The following CACNB4 variants were observed in gnomAD, a reference collection of about 807,000 sequenced individuals.
CACNB4 encodes voltage-dependent L-type calcium channel subunit beta-4.
Under a neutral mutation model 71.2 loss-of-function variants are expected in CACNB4, and 32 were observed. The ratio of observed to expected loss-of-function variants is 0.45; its 90% confidence interval spans 0.34 to 0.60. The LOEUF (loss-of-function observed/expected upper bound fraction) is 0.60, where lower values mean the gene tolerates loss of function less well. CACNB4 is among the 20% of genes least tolerant of loss of function. The probability of loss-of-function intolerance (pLI) is 0.01; values close to 1 mark genes in which losing one functional copy is unlikely to be tolerated. For missense variants in CACNB4, 464 were observed against 647.9 expected, an observed-to-expected ratio of 0.72 and a Z score of 3.08; for synonymous variants, 231 against 236.9, an observed-to-expected ratio of 0.97 and a Z score of 0.23.
intron 2 of CACNB4, among the ~76,000 whole-genome samples, chr2:151,993,638 C>G (rs1387398468): frequency 2.0e-5 from 3 of 150,894 alleles, no homozygotes; most frequent in Non-Finnish European, 4.4e-5. Flanking sequence ...AATCTTGGCC[C>G]ACTGCAACCT....
chr2:151,869,341 T>C, intron 8 of CACNB4, 106 bp from the exon 9 acceptor site: 1 of 661,976 alleles, frequency 1.5e-6, no homozygotes, highest in Non-Finnish European at 2.7e-6. Flanking sequence ...GCCAAGACCT[T>C]ATTGTAGCCA....
chr2:152,038,901 G>A (rs1375628140), intron 2 of CACNB4, among the ~76,000 whole-genome samples: 4 of 152,158 alleles, frequency 2.6e-5, no homozygotes, highest in African/African-American at 9.7e-5. Context: ...CACCCCAAGA[G>A]GGTGTGACAC....
intron 2 of CACNB4, among the ~76,000 whole-genome samples, chr2:151,988,247 G>C (rs1252518651): frequency 6.6e-6 from 1 of 152,106 alleles, no homozygotes; most frequent in Non-Finnish European, 1.5e-5. Context: ...CCAAGGACGT[G>C]ACTTCCACTA....
chr2:152,089,214 G>A (rs1428677464), intron 2 of CACNB4, among the ~76,000 whole-genome samples: 4 of 152,178 alleles, frequency 2.6e-5, no homozygotes, highest in African/African-American at 9.7e-5. Flanking sequence ...AAGTACAAGG[G>A]CAACTGTGCA....
chr2:151,948,162 A>C (rs2099866053), intron 2 of CACNB4, among the ~76,000 whole-genome samples: 1 of 152,224 alleles, frequency 6.6e-6, no homozygotes, highest in Non-Finnish European at 1.5e-5. Flanking sequence ...TTTTTCTTAG[A>C]GATCTACATT....
At chr2:151,842,476 G>A (rs999133581) in intron 12 of CACNB4, among the ~76,000 whole-genome samples, 7 of 151,628 alleles carry the variant, frequency 4.6e-5, no homozygotes, top group South Asian at 4.2e-4. Flanking sequence ...GATTACAGGC[G>A]CCTGCCACTG....
intron 2 of CACNB4, among the ~76,000 whole-genome samples, chr2:152,022,687 C>T (rs902404867): frequency 6.6e-6 from 1 of 152,192 alleles, no homozygotes; most frequent in African/African-American, 2.4e-5. Context: ...TTACCTCCTA[C>T]ACTTAGACTC....
chr2:151,950,709 A>G (rs975423647), intron 2 of CACNB4, among the ~76,000 whole-genome samples: 9 of 152,254 alleles, frequency 5.9e-5, no homozygotes, highest in African/African-American at 2.2e-4. Context: ...TGTCTGACTA[A>G]AAGGTCACAT....
chr2:151,915,963 G>T (rs377012090), intron 2 of CACNB4, among the ~76,000 whole-genome samples: 1 of 152,104 alleles, frequency 6.6e-6, no homozygotes, highest in African/African-American at 2.4e-5. Flanking sequence ...GGGATAGTGC[G>T]CTCACTCACC....
chr2:151,916,493 A>G (rs373022150), intron 2 of CACNB4, among the ~76,000 whole-genome samples: 1 of 148,752 alleles, frequency 6.7e-6, no homozygotes, highest in African/African-American at 2.5e-5. Flanking sequence ...TGAAAAAAAA[A>G]GAGAATGTCA....
intron 2 of CACNB4, among the ~76,000 whole-genome samples, chr2:151,919,913 G>T (rs2099858488): frequency 2.0e-5 from 3 of 152,018 alleles, no homozygotes; most frequent in Admixed American, 2.0e-4. Context: ...ATATATCTTG[G>T]AAAGTTCAGA....
At chr2:151,960,617 C>T (rs2151694404) in intron 2 of CACNB4, among the ~76,000 whole-genome samples, 1 of 152,312 alleles carries the variant, frequency 6.6e-6, no homozygotes, top group East Asian at 1.9e-4. Context: ...GGGGCATGCT[C>T]TTACCATATC....
intron 2 of CACNB4, among the ~76,000 whole-genome samples, chr2:152,087,139 T>TAA (rs1274143106): frequency 2.0e-5 from 2 of 99,962 alleles, no homozygotes; most frequent in Non-Finnish European, 2.1e-5. Context: ...ACTGAAAAAA[T>TAA]AAAAAAAAAA....
chr2:152,059,045 G>A (rs1685872372), intron 2 of CACNB4, among the ~76,000 whole-genome samples: 1 of 152,268 alleles, frequency 6.6e-6, no homozygotes. Context: ...CAGGAACTGA[G>A]GTTTGGAAAC....
chr2:151,868,652 T>C (rs907020749), intron 9 of CACNB4: 1 of 152,108 alleles, frequency 6.6e-6, no homozygotes, highest in Admixed American at 6.5e-5. Flanking sequence ...ACAACTATAA[T>C]AAATATCCAA....
At position 152,083,358 on chromosome 2, in the gene CACNB4, A is replaced by G. The variant is rs7563946; in HGVS notation, c.147+14972T>C. Among the ~76,000 whole-genome samples, 19 of 28,614 alleles carry G rather than the reference A, an allele frequency of 6.6e-4. No individual in the cohort carries two copies. In the African/African-American group the frequency reaches 7.7e-3, roughly 12 times the overall value. The allele number at this position is 28,614 out of a possible 152,430, so 18.8% of individuals were successfully genotyped here. Reference sequence around the variant, plus strand: ...CAAGGAAGGAAGGAAGGAAGGGAGGAAGGAAGGAAGGGAGGGAGGGAAGGA... The same window carrying G: ...CAAGGAAGGAAGGAAGGAAGGGAGGGAGGAAGGAAGGGAGGGAGGGAAGGA... On this transcript the variant is annotated intron_variant, in intron 2 of 13. Coordinates refer to ENST00000539935, the MANE Select transcript of CACNB4 (RefSeq NM_000726.5).
At chr2:151,907,248 T>C (rs953484726) in intron 2 of CACNB4, among the ~76,000 whole-genome samples, 13 of 152,204 alleles carry the variant, frequency 8.5e-5, no homozygotes, top group African/African-American at 3.1e-4. Flanking sequence ...AGCTATAGAC[T>C]TAACCATTCT....
intron 2 of CACNB4, among the ~76,000 whole-genome samples, chr2:152,040,657 G>C (rs1339873581): frequency 6.6e-6 from 1 of 152,138 alleles, no homozygotes; most frequent in Non-Finnish European, 1.5e-5. Flanking sequence ...GACCAGGCTG[G>C]TTTGAACTCC....
At chr2:151,942,992 C>T (rs910277981) in intron 2 of CACNB4, among the ~76,000 whole-genome samples, 3 of 152,118 alleles carry the variant, frequency 2.0e-5, no homozygotes, top group African/African-American at 4.8e-5. Flanking sequence ...TCTGTTTTTG[C>T]CCTTTGTCCT....
Sources: gnomAD v4.1 joint callset for allele counts (sites outside exome capture counted in the v4.1 genomes callset) on GRCh38, gnomAD v4.1.1 for gene constraint, MANE v1.5 for transcripts, NCBI Gene and HGNC (gene_info 2026-07-23, HGNC 2026-07-21) for gene names.